LMBRD1: variants seen among roughly 807,000 people sequenced by gnomAD.
LMBRD1 encodes lysosomal cobalamin transport escort protein LMBD1.
A neutral mutation model predicts 74.8 loss-of-function variants in LMBRD1; 64 were observed. That is an observed-to-expected ratio of 0.86 (90% confidence interval 0.70 to 1.05). The LOEUF (loss-of-function observed/expected upper bound fraction) is 1.05, where lower values mean the gene tolerates loss of function less well. Among genes scored for constraint, LMBRD1 ranks in the 50% least tolerant of loss-of-function variants. The pLI is 0.00. For missense variants in LMBRD1, 652 were observed against 645.9 expected (o/e 1.01, Z -0.10); for synonymous variants, 204 against 216.3 (o/e 0.94, Z 0.50).
intron 8 of LMBRD1, among the ~76,000 whole-genome samples, chr6:69,716,623 C>T (rs959612311): frequency 2.6e-5 from 4 of 152,072 alleles, no homozygotes; most frequent in African/African-American, 9.6e-5. Flanking sequence ...TTTTACATGA[C>T]ATAATTCTTC....
chr6:69,780,483 A>C lies in LMBRD1; in HGVS notation c.307+11T>G. The stretch of plus-strand genomic sequence containing the variant: ...CAGTCCAAATAGGGAAAGAAACTGA[A>C]AGATACTTACTATAGTAACCGTATA... On this transcript the variant is annotated intron_variant, in intron 3 of 15. Coordinates refer to ENST00000649934, the MANE Select transcript of LMBRD1 (RefSeq NM_018368.4). 1.3e-6 allele frequency: 2 copies of C among 1,596,998 alleles called. No individual in the cohort carries two copies. The highest frequency in any genetic ancestry group is 1.1e-5 in the South Asian group (1 of 90,776).
chr6:69,696,489 C>T (rs577664256), intron 14 of LMBRD1, among the ~76,000 whole-genome samples: 1 of 152,268 alleles, frequency 6.6e-6, no homozygotes, highest in African/African-American at 2.4e-5. Flanking sequence ...TGACTCATGA[C>T]TCTGCCTTCC....
intron 10 of LMBRD1, 58 bp downstream of exon 10, chr6:69,701,831 A>G: frequency 8.3e-7 from 1 of 1,197,784 alleles, no homozygotes; most frequent in South Asian, 1.2e-5. Context: ...CAGCAACAAA[A>G]TGTATATTAT....
intron 8 of LMBRD1, among the ~76,000 whole-genome samples, chr6:69,714,212 A>T (rs1766445062): frequency 6.6e-6 from 1 of 151,990 alleles, no homozygotes; most frequent in Non-Finnish European, 1.5e-5. Flanking sequence ...TCAAGTGGTT[A>T]TGTTACCTGA....
At chr6:69,678,777 A>G (rs1765598448) in intron 14 of LMBRD1, among the ~76,000 whole-genome samples, 1 of 152,080 alleles carries the variant, frequency 6.6e-6, no homozygotes, top group Admixed American at 6.6e-5. Flanking sequence ...CAAAACATAA[A>G]ATTGAGCTGA....
chr6:69,741,915 G>T (rs756064844), intron 5 of LMBRD1, 38 bp from the exon 6 acceptor site: 1 of 1,160,918 alleles, frequency 8.6e-7, no homozygotes. Flanking sequence ...TAGCTTTAAA[G>T]ATAAAAAGTT....
intron 3 of LMBRD1, among the ~76,000 whole-genome samples, chr6:69,759,477 A>G (rs1321107024): frequency 6.6e-6 from 1 of 152,108 alleles, no homozygotes; most frequent in Non-Finnish European, 1.5e-5. Context: ...AAACCAAAAA[A>G]AAACCACCAA....
intron 3 of LMBRD1, among the ~76,000 whole-genome samples, chr6:69,780,216 C>T (rs1404953706): frequency 6.6e-6 from 1 of 151,338 alleles, no homozygotes; most frequent in Non-Finnish European, 1.5e-5. Flanking sequence ...CACCTTCAGC[C>T]TCTTCATATA....
chr6:69,794,479 C>T (rs900672225), intron 1 of LMBRD1, among the ~76,000 whole-genome samples: 2 of 152,194 alleles, frequency 1.3e-5, no homozygotes, highest in African/African-American at 4.8e-5. Flanking sequence ...GCTAAACCAA[C>T]CACTCTTCAA....
chr6:69,786,038 T>G (rs1251463063), intron 2 of LMBRD1, among the ~76,000 whole-genome samples: 1 of 152,196 alleles, frequency 6.6e-6, no homozygotes, highest in African/African-American at 2.4e-5. Context: ...GACTAGACTC[T>G]CATATCAATC....
In LMBRD1 at chr6:69,796,955, G is replaced by T; in HGVS notation, c.-74C>A. 1 of 1,293,790 alleles carries T rather than the reference G, an allele frequency of 7.7e-7. No individual in the cohort carries two copies. The highest frequency in any genetic ancestry group is 1.1e-6 in the Non-Finnish European group (1 of 905,980). 80.1% of individuals were successfully genotyped at this position (1,293,790 alleles called of 1,614,324 possible). On this transcript the variant is annotated 5_prime_UTR_variant, in exon 1 of 16. Coordinates refer to ENST00000649934, the MANE Select transcript of LMBRD1 (RefSeq NM_018368.4). ...GAGGGGGAAAGGGGAGAGAGCGCGA[G>T]ATATACTGCACCCGCGCACCCTAAA...
intron 1 of LMBRD1, among the ~76,000 whole-genome samples, chr6:69,794,186 C>G (rs1471588811): frequency 5.9e-5 from 9 of 152,214 alleles, no homozygotes; most frequent in African/African-American, 2.2e-4. Context: ...CATTTGCACT[C>G]ATGGTTCATA....
At chr6:69,795,734 G>T (rs1179751424) in intron 1 of LMBRD1, among the ~76,000 whole-genome samples, 1 of 152,226 alleles carries the variant, frequency 6.6e-6, no homozygotes, top group Non-Finnish European at 1.5e-5. Context: ...CTGTGACAGT[G>T]ATGGCAGTAA....
intron 8 of LMBRD1, among the ~76,000 whole-genome samples, chr6:69,714,445 A>AT: frequency 6.6e-6 from 1 of 152,142 alleles, no homozygotes; most frequent in Non-Finnish European, 1.5e-5. Context: ...CTTTCTCATC[A>AT]TATCTCATAG....
chr6:69,751,856 A>G (rs938238393), intron 4 of LMBRD1, among the ~76,000 whole-genome samples: 2 of 152,214 alleles, frequency 1.3e-5, no homozygotes, highest in Non-Finnish European at 2.9e-5. Context: ...TAAATTATTT[A>G]CTACCTGGCC....
At chr6:69,743,132 G>GA (rs1321434833) in intron 5 of LMBRD1, among the ~76,000 whole-genome samples, 2 of 151,994 alleles carry the variant, frequency 1.3e-5, no homozygotes, top group East Asian at 1.9e-4. Flanking sequence ...AACTAAGCAA[G>GA]AAAAAACTAC....
chr6:69,763,926 C>A (rs149704504), intron 3 of LMBRD1, among the ~76,000 whole-genome samples: 44 of 152,206 alleles, frequency 2.9e-4, no homozygotes, highest in Non-Finnish European at 3.7e-4. Context: ...AATAACTTAT[C>A]TGGTTTTAGA....
intron 14 of LMBRD1, among the ~76,000 whole-genome samples, chr6:69,697,305 T>C (rs1437277498): frequency 6.6e-6 from 1 of 151,996 alleles, no homozygotes; most frequent in African/African-American, 2.4e-5. Flanking sequence ...TTAAGAGTGA[T>C]TTCTTATTAT....
At position 69,752,334 on chromosome 6, in the gene LMBRD1, G is replaced by A; in HGVS notation, c.330C>T (p.Phe110=). Residue 110 remains phenylalanine (F), a synonymous_variant, in exon 4 of 16, where the codon TTC becomes TTT. Transcript: ENST00000649934. Reference sequence around the variant, plus strand: ...CAAAAGGGATCCAGAAGAACACACAGAACAATATAACAGAATATAAAGCTG... The same window carrying A: ...CAAAAGGGATCCAGAAGAACACACAAAACAATATAACAGAATATAAAGCTG... The part of the protein sequence containing the change: ...GYYTLYSVIL[F]CVFFWIPFVY... 2 of 1,609,482 alleles carry A rather than the reference G, an allele frequency of 1.2e-6. No homozygotes were observed. Among genetic ancestry groups the A allele is most frequent in the Non-Finnish European group, 1.7e-6 (2 of 1,176,478 alleles).
Sources: allele counts gnomAD v4.1 joint callset (sites outside exome capture counted in the v4.1 genomes callset), GRCh38; gene constraint gnomAD v4.1.1; transcripts MANE v1.5; gene names NCBI Gene and HGNC (gene_info 2026-07-23, HGNC 2026-07-21).